DDR2: variants seen among roughly 807,000 people sequenced by gnomAD.
The protein encoded by DDR2 is discoidin domain receptor tyrosine kinase 2.
In DDR2, 27 loss-of-function variants were observed where a neutral mutation model predicts 94.9. The observed-to-expected ratio is 0.28, with a 90% CI of 0.21 to 0.39. DDR2 has a LOEUF of 0.39. Among genes scored for constraint, DDR2 ranks in the 10% least tolerant of loss-of-function variants. DDR2 has a pLI of 1.00. For missense variants in DDR2, 783 were observed against 1,076.0 expected (o/e 0.73, Z 3.81); for synonymous variants, 382 against 377.2 (o/e 1.01, Z -0.15).
intron 2 of DDR2, among the ~76,000 whole-genome samples, chr1:162,709,239 G>A (rs1660788532): frequency 6.6e-6 from 1 of 152,182 alleles, no homozygotes; most frequent in South Asian, 2.1e-4. Context: ...GAGTGCAGGG[G>A]CTCAGAGGGT....
intron 2 of DDR2, among the ~76,000 whole-genome samples, chr1:162,690,392 T>C (rs1354051145): frequency 6.6e-6 from 1 of 152,148 alleles, no homozygotes; most frequent in Non-Finnish European, 1.5e-5. Flanking sequence ...TCTGCCAAAA[T>C]GTCAACATGT....
intron 8 of DDR2, among the ~76,000 whole-genome samples, chr1:162,760,405 T>C (rs986817608): frequency 6.7e-5 from 10 of 149,568 alleles, no homozygotes; most frequent in African/African-American, 2.2e-4. Context: ...TATATATATA[T>C]ACACAATGAT....
intron 3 of DDR2, among the ~76,000 whole-genome samples, chr1:162,723,520 C>G (rs760976686): frequency 6.6e-6 from 1 of 152,138 alleles, no homozygotes; most frequent in Non-Finnish European, 1.5e-5. Flanking sequence ...TGGCACCTTA[C>G]GTTTTTCCAG....
At chr1:162,755,813 AG>A (rs764916234) in intron 7 of DDR2, 44 bp downstream of exon 7, 1 of 1,456,802 alleles carries the variant, frequency 6.9e-7, no homozygotes, top group African/African-American at 1.4e-5. Context: ...TTGGCCACTA[AG>A]AAAGAATAAT....
chr1:162,641,324 A>C (rs1279447388), intron 1 of DDR2, among the ~76,000 whole-genome samples: 5 of 152,112 alleles, frequency 3.3e-5, no homozygotes, highest in Non-Finnish European at 5.9e-5. Flanking sequence ...AGTCGCTATG[A>C]TCTTCACCCT....
At chr1:162,698,206 G>C (rs926016844) in intron 2 of DDR2, among the ~76,000 whole-genome samples, 5 of 152,330 alleles carry the variant, frequency 3.3e-5, no homozygotes, top group African/African-American at 1.2e-4. Flanking sequence ...AAGGGAGTAA[G>C]ATCAGACAAA....
intron 2 of DDR2, among the ~76,000 whole-genome samples, chr1:162,677,943 A>ATT (rs1558021443): frequency 6.6e-6 from 1 of 151,916 alleles, no homozygotes; most frequent in African/African-American, 2.4e-5. Flanking sequence ...AGGTTTTTTT[A>ATT]TTTTTTATTT....
chr1:162,650,298 AAT>A (rs751332587), intron 1 of DDR2, among the ~76,000 whole-genome samples: 209 of 100,520 alleles, frequency 2.1e-3, no homozygotes, highest in Non-Finnish European at 4.5e-3. Flanking sequence ...TTAAAAAAAA[AAT>A]AATAATAATA....
At chr1:162,751,321 C>G (rs1006571596) in intron 3 of DDR2, among the ~76,000 whole-genome samples, 2 of 151,984 alleles carry the variant, frequency 1.3e-5, no homozygotes, top group African/African-American at 2.4e-5. Context: ...ACAACCCCAT[C>G]AAAAAATGGG....
At position 162,772,031 on chromosome 1, in the gene DDR2, C is replaced by T. The variant is rs199900233; in HGVS notation, c.1512C>T (p.Ser504=). The T allele has an allele frequency of 4.4e-5, 70 of 1,605,998 alleles. No homozygotes were observed. The highest frequency in any genetic ancestry group is 9.4e-5 in the African/African-American group (7 of 74,750). The part of the protein sequence containing the change: ...FAPGEEESGC[S]GVVKPVQPSG... ...TTGCCCTTGTCTTCCCAGGCTGCAGCGGTGTTGTGAAGCCAGTCCAGCCCA... is the reference window on the plus strand; with the variant it reads ...TTGCCCTTGTCTTCCCAGGCTGCAGTGGTGTTGTGAAGCCAGTCCAGCCCA... Residue 504 remains serine (S), a synonymous_variant, in exon 13 of 18, where the codon AGC becomes AGT. Transcript: ENST00000367921.
At chr1:162,639,865 G>A (rs552704562) in intron 1 of DDR2, among the ~76,000 whole-genome samples, 33 of 152,308 alleles carry the variant, frequency 2.2e-4, no homozygotes, top group African/African-American at 7.9e-4. Context: ...ACTATTCGTA[G>A]TTGCCAGGAA....
At chr1:162,764,698 G>T (rs577931286) in intron 9 of DDR2, among the ~76,000 whole-genome samples, 33 of 151,978 alleles carry the variant, frequency 2.2e-4, no homozygotes, top group African/African-American at 7.7e-4. Context: ...GTGGTGGCAC[G>T]TGCTTGCAGT....
intron 2 of DDR2, among the ~76,000 whole-genome samples, chr1:162,689,609 A>C (rs1174510926): frequency 4.0e-5 from 6 of 151,812 alleles, no homozygotes; most frequent in Admixed American, 3.9e-4. Context: ...GTTTACTTTA[A>C]ATTGATGGGC....
At position 162,776,911 on chromosome 1, in the gene DDR2, A is replaced by G. The variant is rs16844951; in HGVS notation, c.2283+541A>G. On this transcript the variant is annotated intron_variant, in intron 16 of 17. Coordinates refer to ENST00000367921, the MANE Select transcript of DDR2 (RefSeq NM_006182.4). ...TTAGAGGTATATTTTCTGTCCATGC[A>G]TACCTGAGACTTTTTATTGTTGATT... Among the ~76,000 whole-genome samples the G allele has an allele frequency of 5.3e-3, 811 of 152,252 alleles. 29 individuals carry two copies. Among genetic ancestry groups the G allele is most frequent in the Admixed American group, 0.041 (629 of 15,292 alleles).
chr1:162,774,823 A>C (rs999159115), intron 14 of DDR2, among the ~76,000 whole-genome samples: 7 of 152,118 alleles, frequency 4.6e-5, no homozygotes, highest in African/African-American at 1.7e-4. Flanking sequence ...AGGGGGAATG[A>C]AAGAGGGGAG....
intron 3 of DDR2, among the ~76,000 whole-genome samples, chr1:162,750,026 C>G (rs1289371354): frequency 6.6e-6 from 1 of 152,176 alleles, no homozygotes; most frequent in Admixed American, 6.5e-5. Context: ...GACAAACGCA[C>G]AGCCAATATC....
chr1:162,696,192 T>G (rs867191965), intron 2 of DDR2, among the ~76,000 whole-genome samples: 55 of 137,850 alleles, frequency 4.0e-4, no homozygotes, highest in African/African-American at 1.4e-3. Context: ...TTTAAATGTT[T>G]CTTTTCCTTT....
In DDR2 at chr1:162,755,770, G is replaced by A; in HGVS notation, c.671+1G>A. On this transcript the variant is annotated splice_donor_variant, in intron 7 of 17. Coordinates refer to ENST00000367921, the MANE Select transcript of DDR2 (RefSeq NM_006182.4). LOFTEE classifies it high-confidence loss of function. ...TCTATGATGGAGCTGTTGGATACAG[G>A]TAAATCCTGGGAAACTTTATTAGAA... The A allele has an allele frequency of 6.2e-7, 1 of 1,613,240 alleles. No homozygotes were observed.
chr1:162,750,733 T>G (rs1354906215), intron 3 of DDR2, among the ~76,000 whole-genome samples: 4 of 152,146 alleles, frequency 2.6e-5, no homozygotes, highest in African/African-American at 9.7e-5. Context: ...TCACACTACT[T>G]GACTTCAAAC....
Sources: gnomAD v4.1 joint callset for allele counts (sites outside exome capture counted in the v4.1 genomes callset) on GRCh38, gnomAD v4.1.1 for gene constraint, MANE v1.5 for transcripts, NCBI Gene and HGNC (gene_info 2026-07-23, HGNC 2026-07-21) for gene names.